The following CIMAP1B variants were observed in gnomAD, a reference collection of about 807,000 sequenced individuals.
CIMAP1B encodes ciliary microtubule associated protein 1B, also known as orf2 5' to PD-ECGF/TP.
the CIMAP1B span, chr22:50,531,944 C>G: frequency 2.3e-6 from 3 of 1,319,004 alleles, no homozygotes; most frequent in African/African-American, 3.1e-5. Context: ...TCCCACCCCT[C>G]AATCCCGGGG....
the CIMAP1B span, chr22:50,532,244 G>A: frequency 2.0e-6 from 2 of 1,000,556 alleles, no homozygotes; most frequent in Non-Finnish European, 2.6e-6. Flanking sequence ...AAACAAACGC[G>A]AGCTTCCTTC....
the CIMAP1B span, chr22:50,532,099 C>A: frequency 8.1e-6 from 11 of 1,355,056 alleles, no homozygotes; most frequent in Non-Finnish European, 1.1e-5. Flanking sequence ...GGGGCGCTTA[C>A]GGCTCGCAGC....
At chr22:50,530,988 G>T in the CIMAP1B span, 2 of 1,611,220 alleles carry the variant, frequency 1.2e-6, no homozygotes, top group Non-Finnish European at 1.7e-6. Context: ...CGTAGATGGA[G>T]CAAGTTGGGG....
the CIMAP1B span, chr22:50,531,570 C>T: frequency 2.1e-6 from 3 of 1,428,286 alleles, no homozygotes; most frequent in South Asian, 4.6e-5. Flanking sequence ...GGGTCCTGAC[C>T]AGGTCCCGGA....
chr22:50,530,838 G>A, the CIMAP1B span: 1 of 1,603,736 alleles, frequency 6.2e-7, no homozygotes, highest in African/African-American at 1.3e-5. Flanking sequence ...CCTGATAGGC[G>A]CAGGGGCCCG....
the CIMAP1B span, chr22:50,532,302 C>A: frequency 1.9e-6 from 1 of 518,544 alleles, no homozygotes; most frequent in Non-Finnish European, 3.0e-6. Flanking sequence ...GGCCATCACC[C>A]GGACTCCAGG....
chr22:50,531,945 A>C, the CIMAP1B span: 1 of 1,308,144 alleles, frequency 7.6e-7, no homozygotes, highest in Non-Finnish European at 9.8e-7. Context: ...CCCACCCCTC[A>C]ATCCCGGGGC....
At chr22:50,530,769 A>G in the CIMAP1B span, 1 of 1,608,318 alleles carries the variant, frequency 6.2e-7, no homozygotes, top group Non-Finnish European at 8.5e-7. Context: ...GGGGGAGCGA[A>G]GTCCGCGCCA....
At chr22:50,531,647 C>A in the CIMAP1B span, 1 of 1,379,074 alleles carries the variant, frequency 7.3e-7, no homozygotes, top group Non-Finnish European at 9.3e-7. Context: ...GTCGGTGCCG[C>A]GCACGGTCAT....
At chr22:50,532,314 G>A in the CIMAP1B span, 12 of 452,762 alleles carry the variant, frequency 2.7e-5, no homozygotes, top group Non-Finnish European at 3.6e-5. Flanking sequence ...GACTCCAGGC[G>A]CATTAGGCAG....
the CIMAP1B span, chr22:50,531,933 G>T: frequency 1.5e-6 from 2 of 1,303,310 alleles, no homozygotes; most frequent in Non-Finnish European, 2.0e-6. Context: ...CCCAGGCGCC[G>T]TCCCACCCCT....
chr22:50,530,695 C>T, the CIMAP1B span: 2 of 1,610,830 alleles, frequency 1.2e-6, no homozygotes, highest in Admixed American at 1.7e-5. Context: ...GACCCTTGAC[C>T]CTGGGCTCCA....
At chr22:50,530,447 C>T in the CIMAP1B span, 2 of 1,564,592 alleles carry the variant, frequency 1.3e-6, no homozygotes, top group African/African-American at 2.7e-5. Flanking sequence ...AGACTTTAAG[C>T]AAACACGTGT....
At chr22:50,532,422 AG>A in the CIMAP1B span, 1 of 220,492 alleles carries the variant, frequency 4.5e-6, no homozygotes, top group Non-Finnish European at 8.9e-6. Context: ...CTGTTGGGAA[AG>A]GGTGCCCCGG....
At chr22:50,530,550 G>C in the CIMAP1B span, 1 of 1,593,422 alleles carries the variant, frequency 6.3e-7, no homozygotes, top group Non-Finnish European at 8.5e-7. Context: ...CCAGCCGCGG[G>C]GCTTCCGGTG....
At chr22:50,531,021 C>T in the CIMAP1B span, 1,667 of 1,610,572 alleles carry the variant, frequency 1.0e-3, 15 homozygotes, top group African/African-American at 0.019. Flanking sequence ...CGATGACGCG[C>T]GGACCCAAGA....
At chr22:50,532,298 C>A in the CIMAP1B span, 1 of 536,256 alleles carries the variant, frequency 1.9e-6, no homozygotes, top group Admixed American at 4.4e-5. Context: ...CCAGGGCCAT[C>A]ACCCGGACTC....
the CIMAP1B span, chr22:50,531,953 G>C: frequency 7.6e-7 from 1 of 1,323,842 alleles, no homozygotes; most frequent in African/African-American, 1.5e-5. Flanking sequence ...TCAATCCCGG[G>C]GCCTGCCCCT....
At chr22:50,531,042 C>G in the CIMAP1B span, 23 of 1,609,144 alleles carry the variant, frequency 1.4e-5, no homozygotes, top group Non-Finnish European at 1.9e-5. Flanking sequence ...GCGAGGGCAC[C>G]GTATAGGCCG....
Sources: gnomAD v4.1 joint callset for allele counts on GRCh38, gnomAD v4.1.1 for gene constraint, MANE v1.5 for transcripts, NCBI Gene and HGNC (gene_info 2026-07-23, HGNC 2026-07-21) for gene names.